The following DAAM1 variants were observed in gnomAD, a reference collection of about 807,000 sequenced individuals.
DAAM1 encodes dishevelled associated activator of morphogenesis 1, also known as disheveled-associated activator of morphogenesis 1.
In DAAM1, 52 loss-of-function variants were observed where a neutral mutation model predicts 130.0. The observed-to-expected ratio is 0.40, with a 90% confidence interval of 0.32 to 0.50. DAAM1 has a LOEUF of 0.50. Among genes scored for constraint, DAAM1 ranks in the 20% least tolerant of loss-of-function variants. The pLI is 0.61. For missense variants in DAAM1, 1,134 were observed against 1,303.8 expected (o/e 0.87, Z 2.01); for synonymous variants, 452 against 444.5 (o/e 1.02, Z -0.21).
At chr14:59,249,331 T>G (rs1222544563) in intron 1 of DAAM1, among the ~76,000 whole-genome samples, 2 of 152,242 alleles carry the variant, frequency 1.3e-5, no homozygotes, top group Non-Finnish European at 2.9e-5. Context: ...TCTAGAAGTC[T>G]GTAACAATTT....
chr14:59,196,675 G>A (rs1053906990), intron 1 of DAAM1, among the ~76,000 whole-genome samples: 6 of 151,914 alleles, frequency 3.9e-5, no homozygotes, highest in Non-Finnish European at 7.4e-5. Context: ...CCCGGGAGGC[G>A]GAGCTTGCAG....
intron 16 of DAAM1, among the ~76,000 whole-genome samples, chr14:59,342,899 G>C (rs1885906451): frequency 6.6e-6 from 1 of 152,116 alleles, no homozygotes; most frequent in South Asian, 2.1e-4. Flanking sequence ...ATGTGGGAGG[G>C]ACATAAGCAC....
At chr14:59,293,462 G>A (rs1883832479) in intron 3 of DAAM1, among the ~76,000 whole-genome samples, 1 of 152,178 alleles carries the variant, frequency 6.6e-6, no homozygotes, top group Non-Finnish European at 1.5e-5. Flanking sequence ...GATGGATATG[G>A]ATGTGGTCAC....
At chr14:59,233,818 G>A (rs1194960781) in intron 1 of DAAM1, among the ~76,000 whole-genome samples, 6 of 152,190 alleles carry the variant, frequency 3.9e-5, no homozygotes, top group Non-Finnish European at 8.8e-5. Context: ...TAAGATGTAA[G>A]AAGGGGGTCC....
chr14:59,272,608 T>TAC (rs35308018), intron 2 of DAAM1, among the ~76,000 whole-genome samples: 197 of 137,054 alleles, frequency 1.4e-3, no homozygotes, highest in Middle Eastern at 7.5e-3. Context: ...TATATATATA[T>TAC]ACACACACAC....
Position 59,369,056 on chromosome 14 carries a change from A to G in DAAM1, c.*197A>G, listed in dbSNP as rs1887038972. On this transcript the variant is annotated 3_prime_UTR_variant, in exon 25 of 25. Coordinates refer to ENST00000360909, the MANE Select transcript of DAAM1 (RefSeq NM_001270520.2). ...ATAGATGTCTGAGTGTTGTCTGGAG[A>G]CCTATACGTATGGTTAAAAAGATTT... The G allele has an allele frequency of 5.4e-6, 3 of 550,906 alleles. No homozygotes were observed. Among genetic ancestry groups the G allele is most frequent in the East Asian group, 3.0e-5 (1 of 32,790 alleles). The allele number at this position is 550,906 out of a possible 1,614,324, so 34.1% of individuals were successfully genotyped here.
intron 1 of DAAM1, among the ~76,000 whole-genome samples, chr14:59,211,039 A>G (rs1157491476): frequency 2.0e-5 from 3 of 152,212 alleles, no homozygotes; most frequent in Non-Finnish European, 4.4e-5. Context: ...TTACGGTCCA[A>G]TTGCCTTTTT....
chr14:59,242,522 T>C (rs546520195), intron 1 of DAAM1, among the ~76,000 whole-genome samples: 3 of 152,340 alleles, frequency 2.0e-5, no homozygotes, highest in Admixed American at 6.5e-5. Flanking sequence ...TTTACAGATA[T>C]TTATTTAATC....
intron 3 of DAAM1, among the ~76,000 whole-genome samples, chr14:59,294,264 T>C (rs186347809): frequency 6.6e-6 from 1 of 152,368 alleles, no homozygotes; most frequent in East Asian, 1.9e-4. Flanking sequence ...TCTGTTTCCC[T>C]GTCCAACAGC....
At chr14:59,191,981 C>T (rs962979343) in intron 1 of DAAM1, among the ~76,000 whole-genome samples, 1 of 152,162 alleles carries the variant, frequency 6.6e-6, no homozygotes, top group Non-Finnish European at 1.5e-5. Flanking sequence ...TAGTCTGATT[C>T]TGTGGGTTTT....
intron 17 of DAAM1, 53 bp from the exon 18 acceptor site, chr14:59,352,473 T>G (rs1886325846): frequency 2.9e-6 from 4 of 1,399,378 alleles, no homozygotes; most frequent in Non-Finnish European, 4.0e-6. Flanking sequence ...GAAAAATTAC[T>G]ACATGGATTT....
intron 15 of DAAM1, among the ~76,000 whole-genome samples, chr14:59,336,951 G>A (rs1443765591): frequency 2.0e-5 from 3 of 152,150 alleles, no homozygotes; most frequent in African/African-American, 7.2e-5. Flanking sequence ...CAGATAGACT[G>A]AGCCCCAAGC....
intron 1 of DAAM1, among the ~76,000 whole-genome samples, chr14:59,242,622 G>C (rs1345126858): frequency 6.6e-6 from 1 of 152,108 alleles, no homozygotes; most frequent in Non-Finnish European, 1.5e-5. Context: ...GCAGTGGCGT[G>C]ATCTCGGCTC....
intron 16 of DAAM1, among the ~76,000 whole-genome samples, chr14:59,342,050 A>T (rs558630852): frequency 3.3e-5 from 5 of 152,276 alleles, no homozygotes; most frequent in African/African-American, 1.2e-4. Context: ...GAATTAGTTC[A>T]TATTTGTGGT....
chr14:59,344,904 AC>A (rs1194654174), intron 16 of DAAM1, among the ~76,000 whole-genome samples: 3 of 152,174 alleles, frequency 2.0e-5, no homozygotes, highest in Non-Finnish European at 4.4e-5. Flanking sequence ...GCAGAACTAC[AC>A]CATAAAATGG....
At chr14:59,339,310 T>C (rs1885755302) in intron 15 of DAAM1, among the ~76,000 whole-genome samples, 1 of 152,220 alleles carries the variant, frequency 6.6e-6, no homozygotes, top group African/African-American at 2.4e-5. Context: ...GCTAATGAAA[T>C]CAAACTTGCT....
At chr14:59,224,577 T>A (rs567167247) in intron 1 of DAAM1, among the ~76,000 whole-genome samples, 2 of 152,264 alleles carry the variant, frequency 1.3e-5, no homozygotes, top group Non-Finnish European at 2.9e-5. Context: ...GAGTCTTCCC[T>A]ATATCTGATT....
Position 59,267,995 on chromosome 14 carries a change from C to T in DAAM1, c.183+4335C>T, listed in dbSNP as rs529652493. ...TCGGCTCACTGCAACCTCCGCTTCC[C>T]GGGTTCAAGCGATTATTTTGCTTCA... On this transcript the variant is annotated intron_variant, in intron 2 of 24. Coordinates refer to ENST00000360909, the MANE Select transcript of DAAM1 (RefSeq NM_001270520.2). 5.3e-5 allele frequency among the ~76,000 whole-genome samples: 8 copies of T among 150,486 alleles called. No homozygotes were observed. The South Asian group carries it at 6.4e-4, about 12-fold the overall frequency.
intron 16 of DAAM1, among the ~76,000 whole-genome samples, chr14:59,345,277 G>A (rs1264306220): frequency 6.6e-6 from 1 of 152,130 alleles, no homozygotes; most frequent in Non-Finnish European, 1.5e-5. Flanking sequence ...GGCAATGATT[G>A]TCCCAAGAAT....
Sources: gnomAD v4.1 joint callset for allele counts (sites outside exome capture counted in the v4.1 genomes callset) on GRCh38, gnomAD v4.1.1 for gene constraint, MANE v1.5 for transcripts, NCBI Gene and HGNC (gene_info 2026-07-23, HGNC 2026-07-21) for gene names.